Variants in ABCC1 observed in about 807,000 individuals in gnomAD.
ABCC1 encodes the protein multidrug resistance-associated protein 1.
A neutral mutation model predicts 172.9 loss-of-function variants in ABCC1; 83 were observed. The observed-to-expected ratio is 0.48, with a 90% CI of 0.40 to 0.58. The LOEUF is 0.58. Among genes scored for constraint, ABCC1 ranks in the 20% least tolerant of loss-of-function variants. ABCC1 has a pLI of 0.00. For synonymous variants in ABCC1, 937 were observed against 825.2 expected (o/e 1.14, Z -2.32); for missense variants, 1,817 against 2,002.7 (o/e 0.91, Z 1.77).
At chr16:16,093,510 T>TGGC (rs1294792311) in intron 19 of ABCC1, among the ~76,000 whole-genome samples, 1 of 152,120 alleles carries the variant, frequency 6.6e-6, no homozygotes, top group African/African-American at 2.4e-5. Flanking sequence ...CCCACCACCC[T>TGGC]GGCACCTCGT....
chr16:16,042,428 C>T (rs1266882660), intron 7 of ABCC1, among the ~76,000 whole-genome samples: 1 of 152,126 alleles, frequency 6.6e-6, no homozygotes, highest in East Asian at 1.9e-4. Flanking sequence ...ATTGGCCGGG[C>T]ACAGTGGCTC....
intron 14 of ABCC1, among the ~76,000 whole-genome samples, chr16:16,074,664 A>G (rs2050483525): frequency 6.6e-6 from 1 of 152,206 alleles, no homozygotes; most frequent in African/African-American, 2.4e-5. Context: ...CTCCCAAGCT[A>G]ACCGTTCTCT....
intron 22 of ABCC1, among the ~76,000 whole-genome samples, 173 bp from the exon 23 acceptor site, chr16:16,114,593 G>A (rs1057240738): frequency 6.6e-6 from 1 of 151,926 alleles, no homozygotes; most frequent in Non-Finnish European, 1.5e-5. Flanking sequence ...CACCCACCTC[G>A]GCCTCCCAAA....
intron 19 of ABCC1, among the ~76,000 whole-genome samples, chr16:16,099,866 C>T (rs2051647306): frequency 1.3e-5 from 2 of 152,056 alleles, no homozygotes; most frequent in Admixed American, 6.6e-5. Flanking sequence ...GGTGGATCAC[C>T]TGAGGTCAGG....
At chr16:16,079,608 C>T in intron 16 of ABCC1, 130 bp downstream of exon 16, 2 of 1,157,208 alleles carry the variant, frequency 1.7e-6, no homozygotes, top group Non-Finnish European at 2.4e-6. Context: ...TTTCCTCCTC[C>T]TCCTGTATCT....
intron 10 of ABCC1, 69 bp from the exon 11 acceptor site, chr16:16,052,655 G>C: frequency 6.7e-7 from 1 of 1,490,854 alleles, no homozygotes; most frequent in Non-Finnish European, 9.3e-7. Context: ...TGGATCAACC[G>C]GGGAAGCTGT....
intron 10 of ABCC1, 54 bp from the exon 11 acceptor site, chr16:16,052,670 G>C: frequency 6.4e-7 from 1 of 1,568,650 alleles, no homozygotes; most frequent in Non-Finnish European, 8.8e-7. Flanking sequence ...AGCTGTTACG[G>C]GCCCTGTTTT....
Position 16,068,158 on chromosome 16 carries a change from G to A in ABCC1, c.1680G>A (p.Val560=), listed in dbSNP as rs774663903. 1 of 1,614,068 alleles carries A rather than the reference G, an allele frequency of 6.2e-7. No homozygotes were observed. The highest frequency in any genetic ancestry group is 8.5e-7 in the Non-Finnish European group (1 of 1,180,016). The change falls in exon 13 of 31, where the codon GTG becomes GTA. Residue 560 remains valine (V), a splice_region_variant and synonymous_variant. Coordinates refer to ENST00000399410, the MANE Select transcript of ABCC1 (RefSeq NM_004996.4). The stretch of plus-strand genomic sequence containing the variant: ...AGCACTGGGCGTTCTGCTTGCAGGT[G>A]GCCTTGTGCACATTTGCCGTCTACG... ...TFTWVCTPFL[V]ALCTFAVYVT... is the part of the protein sequence containing the mutation.
chr16:15,949,671 C>G lies in ABCC1; in HGVS notation c.-81C>G, dbSNP rs1043914605. On this transcript the variant is annotated 5_prime_UTR_variant, in exon 1 of 31. Transcript: ENST00000399410. ...AGCAGCCGGGCCCGATCACCCGCCGCCCGGTGCCCGCCGCCGCCCGCGCCA... is the reference window on the plus strand; with the variant it reads ...AGCAGCCGGGCCCGATCACCCGCCGGCCGGTGCCCGCCGCCGCCCGCGCCA... 3.6e-5 allele frequency: 32 copies of G among 893,232 alleles called. No individual in the cohort carries two copies. In the African/African-American group the frequency reaches 5.4e-4, roughly 15 times the overall value. 55.3% of individuals were successfully genotyped at this position (893,232 alleles called of 1,614,324 possible). A position where few individuals can be genotyped will look rare whatever the true frequency, so the allele number is the denominator to read the frequency against.
chr16:16,111,239 G>A (rs1232408383), intron 21 of ABCC1, 136 bp from the exon 22 acceptor site: 3 of 714,180 alleles, frequency 4.2e-6, no homozygotes, highest in Non-Finnish European at 7.4e-6. Context: ...ATAGCTAAAG[G>A]GGAGGGGTGT....
At chr16:15,961,340 G>C (rs906410245) in intron 1 of ABCC1, among the ~76,000 whole-genome samples, 1 of 152,086 alleles carries the variant, frequency 6.6e-6, no homozygotes, top group Admixed American at 6.6e-5. Flanking sequence ...CTTTCTATAG[G>C]TTGCTAGAAA....
intron 1 of ABCC1, among the ~76,000 whole-genome samples, chr16:15,990,029 A>C (rs910635680): frequency 1.3e-5 from 2 of 151,914 alleles, no homozygotes; most frequent in African/African-American, 4.8e-5. Flanking sequence ...GGTGTGAGCC[A>C]CTGTGCCTGG....
intron 7 of ABCC1, among the ~76,000 whole-genome samples, chr16:16,043,382 T>G (rs1426440434): frequency 6.6e-6 from 1 of 151,860 alleles, no homozygotes; most frequent in Non-Finnish European, 1.5e-5. Flanking sequence ...CACCACAACC[T>G]CCGCCTCCTG....
At position 16,079,422 on chromosome 16, in the gene ABCC1, C is replaced by T. The variant is rs2050718049; in HGVS notation, c.2059C>T (p.Leu687=). 1.9e-6 allele frequency: 3 copies of T among 1,613,948 alleles called. No homozygotes were observed. The highest frequency in any genetic ancestry group is 2.2e-5 in the South Asian group (2 of 91,078). The stretch of plus-strand genomic sequence containing the variant: ...CCAGGTGGGCTGCGGAAAGTCGTCC[C>T]TGCTCTCAGCCCTCTTGGCTGAGAT... ...VGQVGCGKSS[L]LSALLAEMDK... The change falls in exon 16 of 31, where the codon CTG becomes TTG. Residue 687 remains leucine (L), a synonymous_variant. Coordinates refer to ENST00000399410, the MANE Select transcript of ABCC1 (RefSeq NM_004996.4).
chr16:16,070,300 T>G (rs1750520920), intron 13 of ABCC1, among the ~76,000 whole-genome samples: 1 of 150,654 alleles, frequency 6.6e-6, no homozygotes, highest in African/African-American at 2.4e-5. Flanking sequence ...CCTAGGAGTT[T>G]GAGGCTGCAG....
intron 1 of ABCC1, among the ~76,000 whole-genome samples, chr16:15,990,235 C>T (rs1165320680): frequency 1.3e-5 from 2 of 152,004 alleles, no homozygotes; most frequent in Non-Finnish European, 2.9e-5. Flanking sequence ...TTAGTAGAGA[C>T]AGGGTTTCAC....
At chr16:15,959,773 G>T (rs562192385) in intron 1 of ABCC1, among the ~76,000 whole-genome samples, 1 of 152,334 alleles carries the variant, frequency 6.6e-6, no homozygotes, top group East Asian at 1.9e-4. Flanking sequence ...GAGGTTGCCA[G>T]GTTCTGGAAA....
At chr16:16,138,930 G>C (rs1014093201) in intron 30 of ABCC1, among the ~76,000 whole-genome samples, 1 of 152,110 alleles carries the variant, frequency 6.6e-6, no homozygotes, top group African/African-American at 2.4e-5. Context: ...GGCTGGTCTC[G>C]AACTCCTGAC....
intron 26 of ABCC1, among the ~76,000 whole-genome samples, chr16:16,129,624 G>GC (rs957737985): frequency 3.2e-4 from 48 of 149,268 alleles, no homozygotes; most frequent in African/African-American, 1.2e-3. Context: ...TGCAACCTCT[G>GC]CCTCCCAGAT....
Sources: gnomAD v4.1 joint callset for allele counts (sites outside exome capture counted in the v4.1 genomes callset) on GRCh38, gnomAD v4.1.1 for gene constraint, MANE v1.5 for transcripts, NCBI Gene and HGNC (gene_info 2026-07-23, HGNC 2026-07-21) for gene names.